The following EML4 variants were observed in gnomAD, a reference collection of about 807,000 sequenced individuals.
The protein encoded by EML4 is echinoderm microtubule-associated protein-like 4.
A neutral mutation model predicts 129.0 loss-of-function variants in EML4; 72 were observed. The ratio of observed to expected loss-of-function variants is 0.56; its 90% CI spans 0.46 to 0.68. EML4 has a LOEUF of 0.68. EML4 is among the 30% of genes least tolerant of loss of function. The pLI is 0.00. For synonymous variants in EML4, 532 were observed against 405.0 expected, an observed-to-expected ratio of 1.31 and a Z score of -3.77; for missense variants, 1,363 against 1,190.6, an observed-to-expected ratio of 1.14 and a Z score of -2.13.
At chr2:42,264,786 G>A (rs2104398733) in intron 6 of EML4, 55 bp downstream of exon 6, 2 of 1,429,596 alleles carry the variant, frequency 1.4e-6, no homozygotes, top group Non-Finnish European at 1.9e-6. Context: ...TTTAATTTTT[G>A]CTAATTGAAA....
intron 2 of EML4, among the ~76,000 whole-genome samples, chr2:42,250,191 T>G (rs1184665932): frequency 6.6e-6 from 1 of 152,210 alleles, no homozygotes; most frequent in Admixed American, 6.5e-5. Context: ...AAACTGCTGG[T>G]TAAGCCAAAG....
intron 20 of EML4, 38 bp from the exon 21 acceptor site, chr2:42,326,116 A>G (rs1202273652): frequency 1.9e-6 from 3 of 1,608,402 alleles, no homozygotes; most frequent in Non-Finnish European, 2.5e-6. Context: ...ATTTGTACAC[A>G]AGCACTATGA....
At chr2:42,307,025 T>G (rs1668644717) in intron 17 of EML4, among the ~76,000 whole-genome samples, 1 of 152,222 alleles carries the variant, frequency 6.6e-6, no homozygotes, top group African/African-American at 2.4e-5. Flanking sequence ...CTTTGACAAT[T>G]AAATCACTGA....
chr2:42,202,066 G>T (rs1672266489), intron 1 of EML4, among the ~76,000 whole-genome samples: 1 of 151,006 alleles, frequency 6.6e-6, no homozygotes, highest in Admixed American at 6.6e-5. Context: ...CTGGGTGACA[G>T]AGTGAGACTC....
In EML4 at chr2:42,198,287, G is replaced by A. The variant is rs565585337; in HGVS notation, c.25+28651G>A. On this transcript the variant is annotated intron_variant, in intron 1 of 22. Coordinates refer to ENST00000318522, the MANE Select transcript of EML4 (RefSeq NM_019063.5). The stretch of plus-strand genomic sequence containing the variant: ...CCTGAGGGAAAATGACCAGTGGATA[G>A]ATCAGATGTGAGAGAGAATGGGCAT... Among the ~76,000 whole-genome samples the A allele has an allele frequency of 1.5e-3, 231 of 152,274 alleles. 1 individual carries two copies. The highest frequency in any genetic ancestry group is 5.4e-3 in the African/African-American group (223 of 41,554).
chr2:42,273,350 A>T (rs538232400), intron 6 of EML4, among the ~76,000 whole-genome samples: 1 of 152,292 alleles, frequency 6.6e-6, no homozygotes, highest in East Asian at 1.9e-4. Flanking sequence ...CAAGCAGTAA[A>T]AATAATCTAA....
chr2:42,222,844 G>T (rs1673697583), intron 1 of EML4, among the ~76,000 whole-genome samples: 2 of 152,014 alleles, frequency 1.3e-5, no homozygotes, highest in South Asian at 4.2e-4. Flanking sequence ...TGTCGCCTAG[G>T]CTGGAGTGCA....
chr2:42,311,961 C>T (rs1474380991), intron 17 of EML4, among the ~76,000 whole-genome samples: 1 of 152,142 alleles, frequency 6.6e-6, no homozygotes, highest in African/African-American at 2.4e-5. Context: ...CCTCCTGCCT[C>T]GGCCTCCCAA....
chr2:42,222,892 G>A (rs1385009241), intron 1 of EML4, among the ~76,000 whole-genome samples: 6 of 151,980 alleles, frequency 3.9e-5, no homozygotes, highest in Non-Finnish European at 5.9e-5. Context: ...TCCGCCTCCC[G>A]GGTTCACGCC....
At position 42,281,792 on chromosome 2, in the gene EML4, A is replaced by C. The variant is rs1667026036; in HGVS notation, c.791+819A>C. Among the ~76,000 whole-genome samples the C allele has an allele frequency of 2.0e-5, 3 of 152,066 alleles. No individual in the cohort carries two copies. In the South Asian group the frequency reaches 6.2e-4, roughly 32 times the overall value. ...AGAGCTTTCCTAATTTCACCTAGAAATTTTCACTTCTTTTAGAACCTCCAA... is the reference window on the plus strand; with the variant it reads ...AGAGCTTTCCTAATTTCACCTAGAACTTTTCACTTCTTTTAGAACCTCCAA... On this transcript the variant is annotated intron_variant, in intron 7 of 22. Transcript: ENST00000318522.
chr2:42,326,674 G>C (rs1402635976), intron 21 of EML4, among the ~76,000 whole-genome samples: 1 of 152,166 alleles, frequency 6.6e-6, no homozygotes, highest in African/African-American at 2.4e-5. Context: ...CTGAGTTCAG[G>C]AGTTCGAGAC....
chr2:42,287,561 A>C (rs1667379698), intron 10 of EML4, among the ~76,000 whole-genome samples: 1 of 152,206 alleles, frequency 6.6e-6, no homozygotes, highest in South Asian at 2.1e-4. Context: ...ATAACATTGT[A>C]AAGCATATTT....
intron 19 of EML4, among the ~76,000 whole-genome samples, chr2:42,320,301 C>G (rs2103805683): frequency 6.7e-6 from 1 of 148,780 alleles, no homozygotes; most frequent in African/African-American, 2.5e-5. Context: ...CCAGCCTGGG[C>G]AATTAACCAA....
chr2:42,293,533 A>G (rs1216795706), intron 11 of EML4, among the ~76,000 whole-genome samples: 2 of 152,176 alleles, frequency 1.3e-5, no homozygotes, highest in Non-Finnish European at 2.9e-5. Context: ...ATTTACAACA[A>G]CCGTTTCAAG....
intron 19 of EML4, among the ~76,000 whole-genome samples, chr2:42,320,328 T>A (rs72798532): frequency 0.17 from 23,955 of 145,076 alleles, 2,353 homozygotes; most frequent in Middle Eastern, 0.33. Flanking sequence ...GTCTGTATTT[T>A]AAAAAAAAAA....
chr2:42,245,094 CTTTTTT>C (rs56808218), intron 1 of EML4, among the ~76,000 whole-genome samples: 10 of 66,568 alleles, frequency 1.5e-4, no homozygotes, highest in South Asian at 9.0e-4. Context: ...AATTTTCTTT[CTTTTTT>C]TTTTTTTTTT....
intron 17 of EML4, among the ~76,000 whole-genome samples, 174 bp from the exon 18 acceptor site, chr2:42,315,787 GT>G (rs971155745): frequency 3.3e-5 from 5 of 152,110 alleles, no homozygotes; most frequent in African/African-American, 1.2e-4. Flanking sequence ...AGGCTGAGGT[GT>G]GGGAGGATAG....
rs139549827 is a variant in EML4, at chr2:42,303,700, C to T, written c.1899+254C>T. 0.02 allele frequency among the ~76,000 whole-genome samples: 2,980 copies of T among 152,176 alleles called. 100 individuals carry two copies. Among genetic ancestry groups the T allele is most frequent in the African/African-American group, 0.067 (2,789 of 41,510 alleles). On this transcript the variant is annotated intron_variant, in intron 16 of 22. Transcript: ENST00000318522. ...CAGCACTTTGGGAGGCCCAGGCAGG[C>T]GGATCACGAGGTCAGGAGATCGAGA...
intron 19 of EML4, among the ~76,000 whole-genome samples, chr2:42,322,297 G>A (rs1320226798): frequency 1.3e-5 from 2 of 152,184 alleles, no homozygotes; most frequent in African/African-American, 4.8e-5. Flanking sequence ...GTGCAGCAAC[G>A]TTTCAGTTAC....
Sources: allele counts gnomAD v4.1 joint callset (sites outside exome capture counted in the v4.1 genomes callset), GRCh38; gene constraint gnomAD v4.1.1; transcripts MANE v1.5; gene names NCBI Gene and HGNC (gene_info 2026-07-23, HGNC 2026-07-21).